ARGLU1: variants seen among roughly 807,000 people sequenced by gnomAD.
The protein encoded by ARGLU1 is arginine and glutamate-rich protein 1.
A neutral mutation model predicts 37.6 loss-of-function variants in ARGLU1; 9 were observed. That is an observed-to-expected ratio of 0.24 (90% confidence interval 0.14 to 0.42). ARGLU1 has a LOEUF of 0.42. Among genes scored for constraint, ARGLU1 ranks in the 10% least tolerant of loss-of-function variants. ARGLU1 has a pLI of 1.00. For synonymous variants in ARGLU1, 166 were observed against 138.5 expected, an observed-to-expected ratio of 1.20 and a Z score of -1.39; for missense variants, 211 against 359.2, an observed-to-expected ratio of 0.59 and a Z score of 3.34.
intron 1 of ARGLU1, among the ~76,000 whole-genome samples, chr13:106,564,456 C>T (rs1358176078): frequency 6.6e-6 from 1 of 152,120 alleles, no homozygotes; most frequent in Admixed American, 6.5e-5. Context: ...CCAATCTTAC[C>T]AAAGAATTCC....
chr13:106,560,673 G>C (rs942626015), intron 1 of ARGLU1, among the ~76,000 whole-genome samples: 2 of 152,122 alleles, frequency 1.3e-5, no homozygotes, highest in African/African-American at 4.8e-5. Flanking sequence ...ACTATTTCTA[G>C]TTAATAGCAC....
At chr13:106,545,226 A>G (rs1880360528) in intron 3 of ARGLU1, among the ~76,000 whole-genome samples, 1 of 152,188 alleles carries the variant, frequency 6.6e-6, no homozygotes, top group Non-Finnish European at 1.5e-5. Flanking sequence ...GAATGATCCA[A>G]TCAGTGCCAA....
At chr13:106,547,533 T>C (rs761405110) in intron 3 of ARGLU1, among the ~76,000 whole-genome samples, 1 of 152,110 alleles carries the variant, frequency 6.6e-6, no homozygotes, top group East Asian at 1.9e-4. Context: ...GTATAGCCAT[T>C]AAAAACAAGT....
rs1881012097 is a variant in ARGLU1 at position 106,567,642 on chromosome 13, C to T, written c.278G>A (p.Ser93Asn). 6.2e-7 allele frequency: 1 copy of T among 1,613,544 alleles called. No homozygotes were observed. The highest frequency in any genetic ancestry group is 1.3e-5 in the African/African-American group (1 of 74,880). The part of the protein sequence containing the change: ...DIFGRTVSKR[S>N]SLDEKQKREE... ...TCGCTTCTGCTTCTCGTCCAGGCTG[C>T]TGCGCTTGCTCACCGTGCGCCCGAA... is the stretch of plus-strand genomic sequence containing the variant. The change falls in exon 1 of 4, where the codon AGC (serine) becomes AAC (asparagine). Residue 93 changes from serine (S) to asparagine (N), a missense_variant. By Grantham distance (46) the Ser-to-Asn change is conservative. This residue lies in a region of ARGLU1 where 130 missense variants were observed against 179.8 expected (regional missense o/e 0.72). Transcript: ENST00000400198. The surrounding 1 kb of genome is among the most constrained non-coding windows in gnomAD (Gnocchi z 4.3).
At chr13:106,559,041 T>C (rs1880727577) in intron 2 of ARGLU1, 1 of 1,198,574 alleles carries the variant, frequency 8.3e-7, no homozygotes, top group African/African-American at 1.6e-5. Flanking sequence ...TCTCACAGTC[T>C]AGGTAACAGA....
Position 106,567,516 on chromosome 13 carries a change from C to A in ARGLU1, c.347+57G>T. 9 of 1,298,390 alleles carry A rather than the reference C, an allele frequency of 6.9e-6. No individual in the cohort carries two copies. The highest frequency in any genetic ancestry group is 1.0e-5 in the Non-Finnish European group (9 of 900,470). 80.4% of individuals were successfully genotyped at this position (1,298,390 alleles called of 1,614,324 possible). Reference sequence around the variant, plus strand: ...GCACCGTCCCGCCCCGGCCCCACGCCCTCGCCCCGCGCCCTGCTCTCCGCA... The same window carrying A: ...GCACCGTCCCGCCCCGGCCCCACGCACTCGCCCCGCGCCCTGCTCTCCGCA... On this transcript the variant is annotated intron_variant, in intron 1 of 3. Coordinates refer to ENST00000400198, the MANE Select transcript of ARGLU1 (RefSeq NM_018011.4). The surrounding 1 kb of genome is among the most constrained non-coding windows in gnomAD (Gnocchi z 4.3).
chr13:106,552,933 T>C (rs1208251878), intron 3 of ARGLU1, among the ~76,000 whole-genome samples: 1 of 152,192 alleles, frequency 6.6e-6, no homozygotes, highest in Non-Finnish European at 1.5e-5. Flanking sequence ...AAACAGTAAC[T>C]ACCCATGGAT....
chr13:106,557,030 T>C lies in ARGLU1; in HGVS notation c.657+18A>G, dbSNP rs9587157. The C allele has an allele frequency of 0.3, 483,828 of 1,596,754 alleles. 76,753 individuals carry two copies. The highest frequency in any genetic ancestry group is 0.48 in the African/African-American group (35,776 of 74,480). On this transcript the variant is annotated intron_variant, in intron 3 of 3. Transcript: ENST00000400198. This position sits in a 1 kb window ranked among gnomAD's most constrained non-coding sequence, Gnocchi z 5.0. ...AAAGCAAAATACAAAACACTTTTCA[T>C]GTATGCTTTACACTTACCAGTTTGG...
intron 1 of ARGLU1, among the ~76,000 whole-genome samples, chr13:106,565,842 T>C (rs950883368): frequency 4.6e-5 from 7 of 152,228 alleles, no homozygotes; most frequent in African/African-American, 1.7e-4. Flanking sequence ...ATAGCTCCTC[T>C]ATTTGCCGTA....
At chr13:106,547,268 T>C (rs1880417041) in intron 3 of ARGLU1, among the ~76,000 whole-genome samples, 1 of 152,170 alleles carries the variant, frequency 6.6e-6, no homozygotes, top group African/African-American at 2.4e-5. Flanking sequence ...ACATATGCTA[T>C]CATATAAAGA....
intron 1 of ARGLU1, among the ~76,000 whole-genome samples, chr13:106,561,383 A>C (rs980962458): frequency 2.6e-5 from 4 of 151,828 alleles, no homozygotes; most frequent in African/African-American, 4.8e-5. Context: ...TAATAATAAT[A>C]ATCTGCCTTT....
At chr13:106,554,148 C>G (rs748336074) in intron 3 of ARGLU1, among the ~76,000 whole-genome samples, 1 of 152,222 alleles carries the variant, frequency 6.6e-6, no homozygotes, top group South Asian at 2.1e-4. Flanking sequence ...ATACCACTTA[C>G]CAAATATTTC....
chr13:106,557,927 G>C lies in ARGLU1; in HGVS notation c.574-796C>G, dbSNP rs1880697693. ...TATATTGTCATCTACAATCTGAACT[G>C]AAACTCAGAAATCCAGGGGATGCAT... On this transcript the variant is annotated intron_variant, in intron 2 of 3. Transcript: ENST00000400198. The surrounding 1 kb of genome is among the most constrained non-coding windows in gnomAD (Gnocchi z 5.0). 2.0e-6 allele frequency: 2 copies of C among 985,430 alleles called. No homozygotes were observed. The highest frequency in any genetic ancestry group is 2.4e-6 in the Non-Finnish European group (2 of 829,932). The allele number at this position is 985,430 out of a possible 1,614,324, so 61.0% of individuals were successfully genotyped here. A position where few individuals can be genotyped will look rare whatever the true frequency, so the allele number is the denominator to read the frequency against.
intron 2 of ARGLU1, chr13:106,558,064 C>T: frequency 1.0e-6 from 1 of 985,074 alleles, no homozygotes; most frequent in Non-Finnish European, 1.2e-6. Context: ...CAGATCACAG[C>T]ATACATATTC....
chr13:106,562,729 C>T (rs1401987826), intron 1 of ARGLU1, among the ~76,000 whole-genome samples: 3 of 152,016 alleles, frequency 2.0e-5, no homozygotes, highest in African/African-American at 2.4e-5. Flanking sequence ...CGGTGGCTCA[C>T]GCCTGTAATC....
At chr13:106,546,563 T>C (rs993649831) in intron 3 of ARGLU1, among the ~76,000 whole-genome samples, 2 of 152,326 alleles carry the variant, frequency 1.3e-5, no homozygotes, top group South Asian at 4.1e-4. Flanking sequence ...TGAATTCATA[T>C]GCCAATCACT....
chr13:106,559,279 T>TA (rs1394153942), intron 2 of ARGLU1, 153 bp downstream of exon 2: 30 of 1,536,576 alleles, frequency 2.0e-5, no homozygotes, highest in Non-Finnish European at 2.4e-5. Context: ...CTGAATAGGC[T>TA]AAAAAATTAA....
chr13:106,551,160 C>T (rs576621964), intron 3 of ARGLU1, among the ~76,000 whole-genome samples: 1 of 152,316 alleles, frequency 6.6e-6, no homozygotes, highest in African/African-American at 2.4e-5. Flanking sequence ...ACAGTGAACA[C>T]CTTTTGCCAT....
In ARGLU1 at chr13:106,543,902, AAAAAACAAAAAC is replaced by A. The variant is rs898974689; in HGVS notation, c.*82_*93del. 7 of 1,311,172 alleles carry A rather than the reference AAAAAACAAAAAC, an allele frequency of 5.3e-6. No homozygotes were observed. Among genetic ancestry groups the A allele is most frequent in the Non-Finnish European group, 7.3e-6 (7 of 965,256 alleles). 81.2% of individuals were successfully genotyped at this position (1,311,172 alleles called of 1,614,324 possible). ...CTAACTTTCCAGATTTTACAAATTAAAAAAACAAAAACAAAAACAAAAAACCACTTCAACATG... is the reference window on the plus strand; with the variant it reads ...CTAACTTTCCAGATTTTACAAATTAAAAAAACAAAAAACCACTTCAACATG... On this transcript the variant is annotated 3_prime_UTR_variant, in exon 4 of 4. Transcript: ENST00000400198.
Sources: allele counts gnomAD v4.1 joint callset (sites outside exome capture counted in the v4.1 genomes callset), GRCh38; gene constraint gnomAD v4.1.1; regional missense constraint gnomAD v4.1.1; non-coding constraint Gnocchi (gnomAD v3.1); transcripts MANE v1.5; gene names NCBI Gene and HGNC (gene_info 2026-07-23, HGNC 2026-07-21).